GALNT7: variants seen among roughly 807,000 people sequenced by gnomAD.
GALNT7 encodes the protein N-acetylgalactosaminyltransferase 7.
A neutral mutation model predicts 82.1 loss-of-function variants in GALNT7; 60 were observed. That is an observed-to-expected ratio of 0.73 (90% CI 0.59 to 0.91). The LOEUF (loss-of-function observed/expected upper bound fraction) is 0.91. Among genes scored for constraint, GALNT7 ranks in the 40% least tolerant of loss-of-function variants. The probability of loss-of-function intolerance (pLI) is 0.00; values close to 1 mark genes in which losing one functional copy is unlikely to be tolerated. For missense variants in GALNT7, 660 were observed against 804.2 expected (o/e 0.82, Z 2.17); for synonymous variants, 243 against 275.1 (o/e 0.88, Z 1.15).
chr4:173,191,728 T>G (rs1162766239), intron 1 of GALNT7, among the ~76,000 whole-genome samples: 1 of 152,160 alleles, frequency 6.6e-6, no homozygotes, highest in Non-Finnish European at 1.5e-5. Flanking sequence ...AAAGCATGCT[T>G]TCTATTGCAG....
In GALNT7 at chr4:173,320,437, A is replaced by C. The variant is rs565182846; in HGVS notation, c.1837-1143A>C. ...AAATAACTATGTTTACCCACAAAAAATAGTGAGAAGAATGGAATTCTGTAT... is the reference window on the plus strand; with the variant it reads ...AAATAACTATGTTTACCCACAAAAACTAGTGAGAAGAATGGAATTCTGTAT... On this transcript the variant is annotated intron_variant, in intron 11 of 11. Transcript: ENST00000265000. The surrounding 1 kb of genome is among the most constrained non-coding windows in gnomAD (Gnocchi z 4.1). Among the ~76,000 whole-genome samples the C allele has an allele frequency of 6.6e-6, 1 of 152,310 alleles. No individual in the cohort carries two copies. Among genetic ancestry groups the C allele is most frequent in the East Asian group, 1.9e-4 (1 of 5,192 alleles).
intron 2 of GALNT7, among the ~76,000 whole-genome samples, chr4:173,280,203 C>T (rs1736062323): frequency 1.3e-5 from 2 of 152,096 alleles, no homozygotes; most frequent in Admixed American, 6.6e-5. Context: ...TACACAAAAG[C>T]ATGCACACAC....
At chr4:173,226,118 G>T (rs1241504246) in intron 1 of GALNT7, among the ~76,000 whole-genome samples, 1 of 152,152 alleles carries the variant, frequency 6.6e-6, no homozygotes, top group African/African-American at 2.4e-5. Context: ...TTCTGGGGTA[G>T]AACTGATCGC....
intron 1 of GALNT7, among the ~76,000 whole-genome samples, chr4:173,210,010 A>G (rs374287734): frequency 6.6e-6 from 1 of 151,970 alleles, no homozygotes; most frequent in South Asian, 2.1e-4. Context: ...GTGCGTGCCT[A>G]TACTCCCAGC....
At chr4:173,279,771 G>A (rs184836626) in intron 2 of GALNT7, among the ~76,000 whole-genome samples, 183 of 152,146 alleles carry the variant, frequency 1.2e-3, no homozygotes, top group African/African-American at 4.1e-3. Flanking sequence ...TCAGGAGTTC[G>A]AGACCAGCCT....
intron 2 of GALNT7, among the ~76,000 whole-genome samples, chr4:173,255,679 T>G (rs1368768094): frequency 6.6e-6 from 1 of 152,186 alleles, no homozygotes; most frequent in Non-Finnish European, 1.5e-5. Flanking sequence ...ATGTTTTTTG[T>G]ACCCTTTCCT....
At chr4:173,258,775 G>C (rs1735138747) in intron 2 of GALNT7, among the ~76,000 whole-genome samples, 1 of 152,190 alleles carries the variant, frequency 6.6e-6, no homozygotes, top group Non-Finnish European at 1.5e-5. Flanking sequence ...TACACCCATT[G>C]CCTTGTTAGG....
intron 1 of GALNT7, among the ~76,000 whole-genome samples, chr4:173,187,409 G>A (rs1732494877): frequency 6.6e-6 from 1 of 151,344 alleles, no homozygotes; most frequent in Non-Finnish European, 1.5e-5. Context: ...CTGTGTACTG[G>A]GAATTACAGA....
At chr4:173,215,290 G>A (rs768836970) in intron 1 of GALNT7, among the ~76,000 whole-genome samples, 27 of 151,204 alleles carry the variant, frequency 1.8e-4, no homozygotes, top group Non-Finnish European at 4.0e-4. Context: ...GAGAGCAGTG[G>A]TGTGATCTCG....
chr4:173,301,348 A>G lies in GALNT7; in HGVS notation c.1149-699A>G, dbSNP rs567766314. On this transcript the variant is annotated intron_variant, in intron 6 of 11. Transcript: ENST00000265000. ...ATAAATTCTGCTGTAATTTCTCCCA[A>G]TGGTGGGAGTGACTTGTCCCTAAGA... is the stretch of plus-strand genomic sequence containing the variant. 1.5e-3 allele frequency among the ~76,000 whole-genome samples: 233 copies of G among 152,226 alleles called. 2 individuals carry two copies. Among genetic ancestry groups the G allele is most frequent in the African/African-American group, 4.8e-3 (199 of 41,542 alleles).
At chr4:173,197,241 C>T (rs1732807073) in intron 1 of GALNT7, among the ~76,000 whole-genome samples, 1 of 152,060 alleles carries the variant, frequency 6.6e-6, no homozygotes, top group African/African-American at 2.4e-5. Flanking sequence ...TAGTGACGCT[C>T]TGCAGGATTT....
At chr4:173,235,365 C>A (rs1355098855) in intron 1 of GALNT7, among the ~76,000 whole-genome samples, 1 of 152,200 alleles carries the variant, frequency 6.6e-6, no homozygotes, top group South Asian at 2.1e-4. Flanking sequence ...GCCCCAGGCA[C>A]GCCTCACTCT....
intron 2 of GALNT7, among the ~76,000 whole-genome samples, chr4:173,280,599 C>T (rs1416600135): frequency 6.6e-6 from 1 of 152,150 alleles, no homozygotes; most frequent in Admixed American, 6.5e-5. Flanking sequence ...AGCAGTTCTA[C>T]AATGTAGCTG....
chr4:173,261,503 C>A (rs989237797), intron 2 of GALNT7, among the ~76,000 whole-genome samples: 6 of 152,044 alleles, frequency 3.9e-5, no homozygotes, highest in Admixed American at 3.9e-4. Flanking sequence ...TTACAGAGCA[C>A]CCTTTAACGT....
intron 1 of GALNT7, among the ~76,000 whole-genome samples, chr4:173,184,513 A>G (rs1286621904): frequency 6.6e-6 from 1 of 151,592 alleles, no homozygotes; most frequent in South Asian, 2.1e-4. Context: ...CAGGAGAATC[A>G]GGCAGGGAGA....
At chr4:173,308,688 A>G (rs1737251051) in intron 8 of GALNT7, among the ~76,000 whole-genome samples, 1 of 152,182 alleles carries the variant, frequency 6.6e-6, no homozygotes. Flanking sequence ...GAGGATCACG[A>G]GGTCAGGAGT....
At chr4:173,239,210 G>T (rs73870600) in intron 1 of GALNT7, among the ~76,000 whole-genome samples, 5,162 of 152,236 alleles carry the variant, frequency 0.034, 274 homozygotes, top group African/African-American at 0.12. Flanking sequence ...TTTTAGATTT[G>T]TAGGGAAATA....
chr4:173,170,075 T>A (rs1447596719), intron 1 of GALNT7, among the ~76,000 whole-genome samples: 1 of 152,050 alleles, frequency 6.6e-6, no homozygotes, highest in Non-Finnish European at 1.5e-5. Flanking sequence ...GCACTGCGGC[T>A]TCCCTGACCC....
intron 2 of GALNT7, among the ~76,000 whole-genome samples, chr4:173,269,071 G>A (rs13128039): frequency 0.3 from 45,732 of 151,956 alleles, 8,164 homozygotes; most frequent in Non-Finnish European, 0.41. Context: ...CTCAGTAACA[G>A]TGAAGATGTT....
Sources: gnomAD v4.1 joint callset for allele counts (sites outside exome capture counted in the v4.1 genomes callset) on GRCh38, gnomAD v4.1.1 for gene constraint, Gnocchi (gnomAD v3.1) non-coding constraint, MANE v1.5 for transcripts, NCBI Gene and HGNC (gene_info 2026-07-23, HGNC 2026-07-21) for gene names.